Variants in FER observed in about 807,000 individuals in gnomAD.
The protein encoded by FER is FER tyrosine kinase.
Under a neutral mutation model 111.0 loss-of-function variants are expected in FER, and 63 were observed. The observed-to-expected ratio is 0.57, with a 90% CI of 0.46 to 0.70. FER has a LOEUF of 0.70. Among genes scored for constraint, FER ranks in the 30% least tolerant of loss-of-function variants. FER has a pLI of 0.00. For missense variants in FER, 914 were observed against 954.0 expected (o/e 0.96, Z 0.55); for synonymous variants, 327 against 313.9 (o/e 1.04, Z -0.44).
At chr5:108,834,041 A>T (rs1340934033) in intron 4 of FER, among the ~76,000 whole-genome samples, 1 of 152,148 alleles carries the variant, frequency 6.6e-6, no homozygotes, top group Non-Finnish European at 1.5e-5. Context: ...CATTTGAATG[A>T]TACTTTTAAA....
intron 16 of FER, among the ~76,000 whole-genome samples, chr5:109,080,124 T>C (rs942362421): frequency 6.6e-6 from 1 of 152,136 alleles, no homozygotes; most frequent in South Asian, 2.1e-4. Flanking sequence ...TTCTATCTGC[T>C]TGCTCATTAA....
chr5:109,086,938 A>G lies in FER; in HGVS notation c.1925-13458A>G, dbSNP rs760210974. ...GGTCATCTTCTCTGTGTGTCTTCAC[A>G]TGATCTTCCCTTTGTCTGTGTCTAA... On this transcript the variant is annotated intron_variant, in intron 16 of 19. Transcript: ENST00000281092. Among the ~76,000 whole-genome samples the G allele has an allele frequency of 8.0e-5, 12 of 149,544 alleles. 1 individual carries two copies. The highest frequency in any genetic ancestry group is 1.6e-4 in the Non-Finnish European group (11 of 67,210).
At chr5:108,780,707 T>C (rs1753966622) in intron 2 of FER, among the ~76,000 whole-genome samples, 1 of 152,098 alleles carries the variant, frequency 6.6e-6, no homozygotes, top group Non-Finnish European at 1.5e-5. Context: ...CATTTATTAT[T>C]GTTTCAAATA....
intron 13 of FER, among the ~76,000 whole-genome samples, chr5:108,965,345 G>A (rs938184625): frequency 5.9e-5 from 9 of 152,130 alleles, no homozygotes; most frequent in African/African-American, 2.2e-4. Flanking sequence ...AAAATCATGT[G>A]TGAAAATCTC....
chr5:109,183,382 G>A (rs1179246947), intron 18 of FER, among the ~76,000 whole-genome samples: 2 of 151,360 alleles, frequency 1.3e-5, no homozygotes, highest in African/African-American at 4.9e-5. Flanking sequence ...CCCAGTAGCT[G>A]GGACTACAGG....
intron 3 of FER, among the ~76,000 whole-genome samples, chr5:108,827,558 T>A (rs1759596463): frequency 6.6e-6 from 1 of 152,154 alleles, no homozygotes; most frequent in Non-Finnish European, 1.5e-5. Context: ...TCCTTTTTTC[T>A]GTAATTAAGT....
Position 108,868,677 on chromosome 5 carries a change from G to A in FER, c.665+727G>A, listed in dbSNP as rs187205914. On this transcript the variant is annotated intron_variant, in intron 6 of 19. Transcript: ENST00000281092. ...TGAACTATGAGTAGGGTTGAAGAAT[G>A]GTGTAGTAATGGAAGAGCATTAGAA... is the stretch of plus-strand genomic sequence containing the variant. 2.1e-4 allele frequency among the ~76,000 whole-genome samples: 32 copies of A among 152,128 alleles called. No individual in the cohort carries two copies. The East Asian group carries it at 6.0e-3, about 28-fold the overall frequency.
intron 17 of FER, among the ~76,000 whole-genome samples, chr5:109,180,499 G>A (rs1758177060): frequency 6.6e-6 from 1 of 152,044 alleles, no homozygotes; most frequent in Non-Finnish European, 1.5e-5. Flanking sequence ...TAGAATCGGT[G>A]TTTTTCTATT....
intron 16 of FER, among the ~76,000 whole-genome samples, chr5:109,089,545 C>G (rs1403875453): frequency 6.6e-6 from 1 of 152,108 alleles, no homozygotes; most frequent in Admixed American, 6.5e-5. Context: ...AGTCTCAGTC[C>G]TTGATCCTCT....
intron 16 of FER, among the ~76,000 whole-genome samples, chr5:109,064,363 C>G (rs964233506): frequency 4.6e-5 from 7 of 151,726 alleles, no homozygotes; most frequent in Non-Finnish European, 8.8e-5. Context: ...ATATTCTTTC[C>G]CAGAGGTTGA....
At chr5:109,154,720 CA>C (rs1755186832) in intron 17 of FER, among the ~76,000 whole-genome samples, 1 of 151,864 alleles carries the variant, frequency 6.6e-6, no homozygotes, top group Non-Finnish European at 1.5e-5. Context: ...CAAATTACCA[CA>C]AATTTTATTC....
chr5:109,004,124 TACA>T (rs1561756936), intron 13 of FER, among the ~76,000 whole-genome samples: 1 of 152,222 alleles, frequency 6.6e-6, no homozygotes, highest in Non-Finnish European at 1.5e-5. Context: ...TGTAAATCCC[TACA>T]ACTTTTCTGA....
At chr5:109,013,584 G>C (rs1766613926) in intron 13 of FER, among the ~76,000 whole-genome samples, 1 of 149,196 alleles carries the variant, frequency 6.7e-6, no homozygotes, top group Non-Finnish European at 1.5e-5. Context: ...TAGTCCTTTG[G>C]GTATATACCC....
At chr5:108,779,792 T>C (rs1753854430) in intron 2 of FER, among the ~76,000 whole-genome samples, 1 of 152,202 alleles carries the variant, frequency 6.6e-6, no homozygotes, top group African/African-American at 2.4e-5. Flanking sequence ...CTCCTTCTTA[T>C]CTCACTGCAT....
At chr5:108,944,499 C>T (rs992422123) in intron 10 of FER, among the ~76,000 whole-genome samples, 6 of 152,078 alleles carry the variant, frequency 3.9e-5, no homozygotes, top group Admixed American at 3.3e-4. Context: ...CAAACTTAGG[C>T]ATTGTATTCA....
At chr5:109,025,779 T>C (rs1251857102) in intron 13 of FER, among the ~76,000 whole-genome samples, 1 of 152,038 alleles carries the variant, frequency 6.6e-6, no homozygotes, top group African/African-American at 2.4e-5. Flanking sequence ...GCTCTTATTA[T>C]TTTGAAATAC....
chr5:108,872,268 G>T (rs1764672819), intron 8 of FER, 56 bp downstream of exon 8: 2 of 1,448,100 alleles, frequency 1.4e-6, no homozygotes, highest in Non-Finnish European at 1.9e-6. Context: ...TTGCTTTATT[G>T]TTGTACTCAG....
intron 17 of FER, among the ~76,000 whole-genome samples, chr5:109,157,075 T>C (rs1755476916): frequency 6.6e-6 from 1 of 152,034 alleles, no homozygotes; most frequent in African/African-American, 2.4e-5. Flanking sequence ...TATCATAGTG[T>C]TTTTTGAAAA....
intron 1 of FER, among the ~76,000 whole-genome samples, chr5:108,754,860 A>G (rs1580374726): frequency 6.6e-6 from 1 of 152,362 alleles, no homozygotes; most frequent in African/African-American, 2.4e-5. Context: ...TGGCTCAGTC[A>G]GAAAAGTATC....
Sources: gnomAD v4.1 joint callset for allele counts (sites outside exome capture counted in the v4.1 genomes callset) on GRCh38, gnomAD v4.1.1 for gene constraint, MANE v1.5 for transcripts, NCBI Gene and HGNC (gene_info 2026-07-23, HGNC 2026-07-21) for gene names.